The following SLC9A2 variants were observed in gnomAD, a reference collection of about 807,000 sequenced individuals.
SLC9A2 encodes the protein solute carrier family 9 member A2, also known as sodium/hydrogen exchanger 2.
A neutral mutation model predicts 71.7 loss-of-function variants in SLC9A2; 42 were observed. The observed-to-expected ratio is 0.59, with a 90% CI of 0.46 to 0.76. The LOEUF is 0.76. Ranked by LOEUF, SLC9A2 falls within the 30% of genes least tolerant of loss-of-function variation. SLC9A2 has a pLI of 0.00. For synonymous variants in SLC9A2, 396 were observed against 392.5 expected (o/e 1.01, Z -0.10); for missense variants, 829 against 1,017.4 (o/e 0.81, Z 2.52).
At chr2:102,704,444 T>A (rs1359968725) in intron 9 of SLC9A2, 100 bp from the exon 10 acceptor site, 19 of 1,121,774 alleles carry the variant, frequency 1.7e-5, no homozygotes, top group Non-Finnish European at 2.3e-5. Context: ...TTAGCTGAGG[T>A]GCAGATCCAA....
At chr2:102,681,909 T>C (rs762494649) in intron 3 of SLC9A2, among the ~76,000 whole-genome samples, 14 of 152,214 alleles carry the variant, frequency 9.2e-5, no homozygotes, top group Admixed American at 1.3e-4. Flanking sequence ...GTTTAGGTTT[T>C]AGAGGATGCT....
At chr2:102,681,104 A>G (rs1357266298) in intron 3 of SLC9A2, among the ~76,000 whole-genome samples, 2 of 152,222 alleles carry the variant, frequency 1.3e-5, no homozygotes, top group Non-Finnish European at 2.9e-5. Flanking sequence ...TACAGCAGCC[A>G]TAGGAGATGG....
intron 1 of SLC9A2, among the ~76,000 whole-genome samples, chr2:102,635,941 T>C (rs1676461276): frequency 6.6e-6 from 1 of 152,116 alleles, no homozygotes; most frequent in Non-Finnish European, 1.5e-5. Context: ...CAATTTTCTG[T>C]TTTGAAGCCA....
At chr2:102,640,655 C>T (rs568199990) in intron 1 of SLC9A2, among the ~76,000 whole-genome samples, 7 of 152,290 alleles carry the variant, frequency 4.6e-5, no homozygotes, top group South Asian at 2.1e-4. Flanking sequence ...AGCTCCACCA[C>T]GTACCCACCA....
At chr2:102,679,273 C>T (rs1677403439) in intron 3 of SLC9A2, among the ~76,000 whole-genome samples, 1 of 152,110 alleles carries the variant, frequency 6.6e-6, no homozygotes, top group Non-Finnish European at 1.5e-5. Context: ...CTACTGTAAG[C>T]ATCACTCTTG....
chr2:102,684,146 T>G lies in SLC9A2; in HGVS notation c.1235T>G (p.Leu412Arg), dbSNP rs769899774. 6.2e-7 allele frequency: 1 copy of G among 1,614,058 alleles called. No individual in the cohort carries two copies. The highest frequency in any genetic ancestry group is 1.7e-5 in the Admixed American group (1 of 60,028). The change falls in exon 5 of 12, where the codon CTG becomes CGG. Residue 412 changes from leucine to arginine, a missense_variant. This residue lies in a region of SLC9A2 where 500 missense variants were observed against 726.3 expected (regional missense o/e 0.69). Coordinates refer to ENST00000233969, the MANE Select transcript of SLC9A2 (RefSeq NM_003048.6). ...TCTTTCTTTGCAGGTGTTTTTGTCC[T>G]GACTCAGGTCATTAATAGGTTCCGG... ...LMWRALGVFV[L>R]TQVINRFRTI...
chr2:102,633,517 G>A (rs1003575015), intron 1 of SLC9A2, among the ~76,000 whole-genome samples: 5 of 152,048 alleles, frequency 3.3e-5, no homozygotes, highest in African/African-American at 9.7e-5. Flanking sequence ...AATAGCACCC[G>A]GCTTCCTTCG....
intron 1 of SLC9A2, among the ~76,000 whole-genome samples, chr2:102,654,195 CTTTTTTT>C (rs34248413): frequency 1.0e-4 from 9 of 89,526 alleles, no homozygotes; most frequent in East Asian, 3.4e-4. Flanking sequence ...TTGGCTGACT[CTTTTTTT>C]TTTTTTTTTT....
rs1396783685 is a variant in SLC9A2, at chr2:102,634,767, C to CT, written c.289+14639dup. Among the ~76,000 whole-genome samples, 358 of 151,832 alleles carry CT rather than the reference C, an allele frequency of 2.4e-3. 3 individuals carry two copies. The highest frequency in any genetic ancestry group is 7.5e-3 in the African/African-American group (310 of 41,414). On this transcript the variant is annotated intron_variant, in intron 1 of 11. Coordinates refer to ENST00000233969, the MANE Select transcript of SLC9A2 (RefSeq NM_003048.6). Reference sequence around the variant, plus strand: ...AATGAAAAAGAAAGGCAATGCACATCTTTTTTTTTATTCCAGGTTCTTGTC... The same window carrying CT: ...AATGAAAAAGAAAGGCAATGCACATCTTTTTTTTTTATTCCAGGTTCTTGTC...
In SLC9A2 at chr2:102,629,001, A is replaced by G. The variant is rs192569883; in HGVS notation, c.289+8864A>G. ...CTTGAAAAAACAATGTGTATTCTCT[A>G]TTTATTGTGTACAGGATTTTATATA... On this transcript the variant is annotated intron_variant, in intron 1 of 11. Transcript: ENST00000233969. 3.9e-5 allele frequency among the ~76,000 whole-genome samples: 6 copies of G among 152,254 alleles called. No individual in the cohort carries two copies. In the East Asian group the frequency reaches 1.2e-3, roughly 29 times the overall value.
At chr2:102,699,370 G>C (rs1677828531) in intron 7 of SLC9A2, among the ~76,000 whole-genome samples, 1 of 152,180 alleles carries the variant, frequency 6.6e-6, no homozygotes, top group Non-Finnish European at 1.5e-5. Flanking sequence ...AGTACCAAGA[G>C]GGCCAGATCC....
chr2:102,641,164 C>T (rs1676572821), intron 1 of SLC9A2, among the ~76,000 whole-genome samples: 1 of 152,178 alleles, frequency 6.6e-6, no homozygotes, highest in Admixed American at 6.5e-5. Flanking sequence ...GCGACAGACT[C>T]TCAAATGGAT....
chr2:102,642,008 T>A (rs1676591102), intron 1 of SLC9A2, among the ~76,000 whole-genome samples: 1 of 131,738 alleles, frequency 7.6e-6, no homozygotes, highest in Admixed American at 7.9e-5. Context: ...GTAACAAACC[T>A]GCACGTTATG....
At chr2:102,627,231 T>TGAGCTCAG (rs1447499815) in intron 1 of SLC9A2, among the ~76,000 whole-genome samples, 1 of 152,152 alleles carries the variant, frequency 6.6e-6, no homozygotes, top group African/African-American at 2.4e-5. Flanking sequence ...GAGGATCACT[T>TGAGCTCAG]GAGCTCAGGA....
At chr2:102,702,690 G>A (rs1677897608) in intron 9 of SLC9A2, among the ~76,000 whole-genome samples, 188 bp downstream of exon 9, 1 of 152,192 alleles carries the variant, frequency 6.6e-6, no homozygotes, top group Non-Finnish European at 1.5e-5. Flanking sequence ...CACCATGGCT[G>A]AAGCCTTGGG....
intron 3 of SLC9A2, among the ~76,000 whole-genome samples, chr2:102,671,146 G>C (rs557228530): frequency 6.6e-6 from 1 of 152,322 alleles, no homozygotes; most frequent in African/African-American, 2.4e-5. Flanking sequence ...AGCAGGAAGA[G>C]AGTTTACAGA....
intron 1 of SLC9A2, among the ~76,000 whole-genome samples, chr2:102,628,683 G>T (rs1024098949): frequency 6.6e-6 from 1 of 151,878 alleles, no homozygotes; most frequent in Non-Finnish European, 1.5e-5. Context: ...TTACTTCTCA[G>T]TTAATAAACT....
intron 11 of SLC9A2, 69 bp from the exon 12 acceptor site, chr2:102,708,050 G>A (rs1475438405): frequency 1.1e-5 from 17 of 1,517,240 alleles, no homozygotes; most frequent in African/African-American, 1.4e-5. Flanking sequence ...GACTCACTAA[G>A]GTACTGAAGT....
intron 3 of SLC9A2, among the ~76,000 whole-genome samples, chr2:102,672,263 C>A (rs1169973210): frequency 6.6e-6 from 1 of 152,060 alleles, no homozygotes; most frequent in African/African-American, 2.4e-5. Context: ...CATAAATATG[C>A]TCTGAAAATT....
Sources: gnomAD v4.1 joint callset for allele counts (sites outside exome capture counted in the v4.1 genomes callset) on GRCh38, gnomAD v4.1.1 for gene constraint, gnomAD v4.1.1 regional missense constraint, MANE v1.5 for transcripts, NCBI Gene and HGNC (gene_info 2026-07-23, HGNC 2026-07-21) for gene names.